Variants in PLB1 observed in about 807,000 individuals in gnomAD.
The protein encoded by PLB1 is phospholipase B1.
A neutral mutation model predicts 227.4 loss-of-function variants in PLB1; 242 were observed. That is an observed-to-expected ratio of 1.06 (90% CI 0.96 to 1.18). The LOEUF (loss-of-function observed/expected upper bound fraction) is 1.18. Among genes scored for constraint, PLB1 ranks in the 50% most tolerant of loss-of-function variants. The probability of loss-of-function intolerance (pLI) is 0.00; values close to 1 mark genes in which losing one functional copy is unlikely to be tolerated. For synonymous variants in PLB1, 757 were observed against 682.2 expected, an observed-to-expected ratio of 1.11 and a Z score of -1.71; for missense variants, 1,858 against 1,816.3, an observed-to-expected ratio of 1.02 and a Z score of -0.42.
chr2:28,620,718 G>C, intron 48 of PLB1, 75 bp downstream of exon 48: 1 of 1,593,082 alleles, frequency 6.3e-7, no homozygotes, highest in Non-Finnish European at 8.6e-7. Flanking sequence ...CTGGAGGAGG[G>C]GAAGAGGAGG....
chr2:28,501,765 T>C (rs987817998), intron 1 of PLB1, among the ~76,000 whole-genome samples: 10 of 152,176 alleles, frequency 6.6e-5, no homozygotes, highest in African/African-American at 2.4e-4. Context: ...TTTTACTTAA[T>C]TATATGTCCT....
intron 56 of PLB1, among the ~76,000 whole-genome samples, chr2:28,639,985 C>T (rs965598803): frequency 6.6e-5 from 10 of 152,208 alleles, no homozygotes; most frequent in African/African-American, 2.2e-4. Flanking sequence ...TCAGTCTAGT[C>T]ACCCTAGCAT....
At chr2:28,568,314 C>T (rs1385600617) in intron 20 of PLB1, among the ~76,000 whole-genome samples, 1 of 152,166 alleles carries the variant, frequency 6.6e-6, no homozygotes, top group Admixed American at 6.5e-5. Context: ...GTATTATGGA[C>T]AAGATAATTG....
At chr2:28,600,681 G>A in intron 35 of PLB1, 128 bp from the exon 36 acceptor site, 2 of 814,574 alleles carry the variant, frequency 2.5e-6, no homozygotes, top group East Asian at 5.0e-5. Context: ...CCTGGTTTCT[G>A]AGCCTCGGGA....
chr2:28,589,560 G>T lies in PLB1; in HGVS notation c.1920+6G>T, dbSNP rs2148282006. The T allele has an allele frequency of 6.2e-7, 1 of 1,613,876 alleles. No individual in the cohort carries two copies. The highest frequency in any genetic ancestry group is 1.1e-5 in the South Asian group (1 of 91,072). ...TGGACATGCCAAAGACCTCGGTAAA[G>T]AAAGCAAGCATCGTAGAAAAATAGA... On this transcript the variant is annotated splice_donor_region_variant and intron_variant, in intron 27 of 57. Coordinates refer to ENST00000327757, the MANE Select transcript of PLB1 (RefSeq NM_153021.5).
rs1289750477 is a variant in PLB1, at chr2:28,581,494, T to TAA, written c.1567-572_1567-571dup. On this transcript the variant is annotated intron_variant, in intron 23 of 57. Transcript: ENST00000327757. ...CCAGAGCTCCACGCAAAAAAATAAA[T>TAA]AAATAAATAAATAAATAAATAAATA... Among the ~76,000 whole-genome samples the TAA allele has an allele frequency of 3.3e-3, 128 of 38,944 alleles. 7 individuals carry two copies. Among genetic ancestry groups the TAA allele is most frequent in the African/African-American group, 0.012 (126 of 10,820 alleles). 25.5% of individuals were successfully genotyped at this position (38,944 alleles called of 152,430 possible). A position where few individuals can be genotyped will look rare whatever the true frequency, so the allele number is the denominator to read the frequency against.
In PLB1 at chr2:28,516,792, T is replaced by A; in HGVS notation, c.56-16T>A. 6.2e-7 allele frequency: 1 copy of A among 1,609,176 alleles called. No homozygotes were observed. Among genetic ancestry groups the A allele is most frequent in the Non-Finnish European group, 8.5e-7 (1 of 1,175,812 alleles). On this transcript the variant is annotated splice_polypyrimidine_tract_variant and intron_variant, in intron 1 of 57. Coordinates refer to ENST00000327757, the MANE Select transcript of PLB1 (RefSeq NM_153021.5). ...ATTCCAGCTAAATAACTTGAACTAT[T>A]TCTGCTTTCTTTCAGGGACCCCTCA...
chr2:28,569,603 C>T (rs1462986027), intron 20 of PLB1, among the ~76,000 whole-genome samples: 1 of 152,076 alleles, frequency 6.6e-6, no homozygotes, highest in East Asian at 1.9e-4. Context: ...GCCAATAAAT[C>T]AGATAACTTG....
intron 17 of PLB1, among the ~76,000 whole-genome samples, chr2:28,559,734 T>A (rs2148233901): frequency 7.5e-6 from 1 of 134,040 alleles, no homozygotes; most frequent in African/African-American, 2.7e-5. Flanking sequence ...ACTGCAGGCC[T>A]GAAAGCTTTT....
chr2:28,600,990 A>G, intron 36 of PLB1, 130 bp downstream of exon 36: 1 of 872,500 alleles, frequency 1.1e-6, no homozygotes, highest in Non-Finnish European at 1.8e-6. Context: ...GTGGTCGGAC[A>G]GCCCCCTGAC....
intron 4 of PLB1, among the ~76,000 whole-genome samples, chr2:28,520,095 G>A (rs1669316015): frequency 6.6e-6 from 1 of 151,678 alleles, no homozygotes; most frequent in South Asian, 2.1e-4. Context: ...TGCCTGGCTA[G>A]TTTTGTATTT....
At chr2:28,533,541 C>T (rs760099577) in intron 9 of PLB1, among the ~76,000 whole-genome samples, 5 of 152,196 alleles carry the variant, frequency 3.3e-5, no homozygotes, top group Non-Finnish European at 5.9e-5. Context: ...TATGCAGTCA[C>T]GCACTGAAGT....
At chr2:28,506,401 G>A (rs183902439) in intron 1 of PLB1, among the ~76,000 whole-genome samples, 1 of 152,130 alleles carries the variant, frequency 6.6e-6, no homozygotes, top group East Asian at 1.9e-4. Flanking sequence ...GGAGGGCATG[G>A]CAATGATGGG....
chr2:28,598,835 G>A, intron 35 of PLB1, 75 bp downstream of exon 35: 1 of 1,323,732 alleles, frequency 7.6e-7, no homozygotes, highest in Non-Finnish European at 1.1e-6. Flanking sequence ...AGACCATGGG[G>A]CTGGCCTCTA....
At chr2:28,512,020 A>C (rs556268721) in intron 1 of PLB1, among the ~76,000 whole-genome samples, 1 of 144,594 alleles carries the variant, frequency 6.9e-6, no homozygotes, top group Non-Finnish European at 1.5e-5. Flanking sequence ...CAAACTCCTT[A>C]CCTCAGGTGA....
At position 28,643,073 on chromosome 2, in the gene PLB1, G is replaced by T; in HGVS notation, c.*12G>T. 1 of 1,582,462 alleles carries T rather than the reference G, an allele frequency of 6.3e-7. No homozygotes were observed. The highest frequency in any genetic ancestry group is 8.6e-7 in the Non-Finnish European group (1 of 1,163,718). On this transcript the variant is annotated 3_prime_UTR_variant, in exon 58 of 58. Coordinates refer to ENST00000327757, the MANE Select transcript of PLB1 (RefSeq NM_153021.5). ...CTGTGGCCCTCTAGGCCCGGGGGTG[G>T]GTCCTCACCCTAAACTCCCTATAGC...
intron 20 of PLB1, among the ~76,000 whole-genome samples, chr2:28,568,550 G>A (rs902169041): frequency 1.3e-5 from 2 of 152,150 alleles, no homozygotes; most frequent in Non-Finnish European, 2.9e-5. Flanking sequence ...AGAATGTAAG[G>A]GCAGAACAGA....
intron 56 of PLB1, among the ~76,000 whole-genome samples, chr2:28,638,977 T>C (rs937594570): frequency 2.6e-5 from 4 of 151,480 alleles, no homozygotes; most frequent in Non-Finnish European, 4.4e-5. Context: ...GGCAGGAGAA[T>C]TGCTTGAACC....
chr2:28,497,477 C>T (rs1666590061), intron 1 of PLB1, among the ~76,000 whole-genome samples: 1 of 152,164 alleles, frequency 6.6e-6, no homozygotes, highest in Admixed American at 6.6e-5. Flanking sequence ...TATCAGGGAC[C>T]AGCTGACTAG....
Sources: gnomAD v4.1 joint callset for allele counts (sites outside exome capture counted in the v4.1 genomes callset) on GRCh38, gnomAD v4.1.1 for gene constraint, MANE v1.5 for transcripts, NCBI Gene and HGNC (gene_info 2026-07-23, HGNC 2026-07-21) for gene names.